The following ABTB3 variants were observed in gnomAD, a reference collection of about 807,000 sequenced individuals.
The protein encoded by ABTB3 is ankyrin repeat- and BTB/POZ domain-containing protein 3.
the ABTB3 span, among the ~76,000 whole-genome samples, chr12:107,362,617 AC>A: frequency 6.6e-6 from 1 of 152,064 alleles, no homozygotes; most frequent in Admixed American, 6.5e-5. Flanking sequence ...ACATAGTGAG[AC>A]CCAGTCTTTA....
At chr12:107,565,487 C>T in the ABTB3 span, among the ~76,000 whole-genome samples, 2 of 152,112 alleles carry the variant, frequency 1.3e-5, no homozygotes, top group Non-Finnish European at 1.5e-5. Context: ...GGGAGAGAAG[C>T]ACCAAAGGGT....
At chr12:107,421,034 A>G in the ABTB3 span, among the ~76,000 whole-genome samples, 2 of 152,172 alleles carry the variant, frequency 1.3e-5, no homozygotes, top group Admixed American at 1.3e-4. Flanking sequence ...AGGTTTCAGT[A>G]GAGAGGAAGT....
At chr12:107,385,407 G>A in the ABTB3 span, among the ~76,000 whole-genome samples, 1 of 152,318 alleles carries the variant, frequency 6.6e-6, no homozygotes, top group East Asian at 1.9e-4. Flanking sequence ...ACAAACTGCT[G>A]ACTTACACAC....
the ABTB3 span, among the ~76,000 whole-genome samples, chr12:107,510,425 C>G: frequency 5.3e-5 from 8 of 152,000 alleles, no homozygotes; most frequent in South Asian, 6.2e-4. Flanking sequence ...TTCCCCAATG[C>G]TACACCATAA....
the ABTB3 span, among the ~76,000 whole-genome samples, chr12:107,419,356 ATGGCCTGAGAATCCTTCCATGATCT>A: frequency 6.6e-6 from 1 of 152,248 alleles, no homozygotes; most frequent in South Asian, 2.1e-4. Context: ...ACTCCTTTTC[ATGGCCTGAGAATCCTTCCATGATCT>A]GGCCTCTGCC....
the ABTB3 span, among the ~76,000 whole-genome samples, chr12:107,657,087 C>T: frequency 6.6e-6 from 1 of 152,174 alleles, no homozygotes; most frequent in African/African-American, 2.4e-5. Context: ...AGATCTCTTC[C>T]AGCTCCAGGA....
At chr12:107,358,237 A>G in the ABTB3 span, among the ~76,000 whole-genome samples, 2 of 152,186 alleles carry the variant, frequency 1.3e-5, no homozygotes, top group African/African-American at 4.8e-5. Flanking sequence ...GAACCAGGGA[A>G]TGAGGATATA....
chr12:107,527,676 T>C, the ABTB3 span, among the ~76,000 whole-genome samples: 1 of 152,198 alleles, frequency 6.6e-6, no homozygotes, highest in East Asian at 1.9e-4. Flanking sequence ...AATTAATGAA[T>C]GGCAAGCTTC....
the ABTB3 span, among the ~76,000 whole-genome samples, chr12:107,585,254 G>A: frequency 6.6e-6 from 1 of 152,178 alleles, no homozygotes; most frequent in Non-Finnish European, 1.5e-5. Flanking sequence ...TGAGCCACGA[G>A]TTTATTCCAG....
the ABTB3 span, among the ~76,000 whole-genome samples, chr12:107,615,993 C>T: frequency 6.6e-6 from 1 of 152,114 alleles, no homozygotes; most frequent in Non-Finnish European, 1.5e-5. Context: ...GCTGGAATTT[C>T]ATGGGAATCC....
At chr12:107,486,214 AG>A in the ABTB3 span, among the ~76,000 whole-genome samples, 7 of 152,240 alleles carry the variant, frequency 4.6e-5, no homozygotes, top group Non-Finnish European at 7.4e-5. Context: ...GGACTAGATT[AG>A]TTTCTTTGAG....
the ABTB3 span, among the ~76,000 whole-genome samples, chr12:107,400,137 G>A: frequency 6.6e-6 from 1 of 152,172 alleles, no homozygotes; most frequent in Admixed American, 6.5e-5. Context: ...GAATAGTGCT[G>A]CAATAAACAT....
At chr12:107,430,059 C>G in the ABTB3 span, among the ~76,000 whole-genome samples, 2,054 of 152,306 alleles carry the variant, frequency 0.013, 11 homozygotes, top group Non-Finnish European at 0.021. Context: ...ATGCTTAAAG[C>G]TATAATTTAC....
the ABTB3 span, among the ~76,000 whole-genome samples, chr12:107,549,635 T>C: frequency 2.0e-5 from 3 of 152,226 alleles, no homozygotes. Context: ...TCTTTTCCCC[T>C]TCTGCATGAA....
At chr12:107,618,232 C>T in the ABTB3 span, 2 of 1,614,070 alleles carry the variant, frequency 1.2e-6, no homozygotes, top group Middle Eastern at 3.3e-4. Context: ...GAGATTCTGG[C>T]CGAGGGGACT....
the ABTB3 span, among the ~76,000 whole-genome samples, chr12:107,575,490 CA>C: frequency 1.3e-5 from 2 of 152,164 alleles, no homozygotes; most frequent in African/African-American, 4.8e-5. Context: ...ACGCTTAAAA[CA>C]ACACAAAATT....
At chr12:107,389,399 G>A in the ABTB3 span, among the ~76,000 whole-genome samples, 15 of 151,998 alleles carry the variant, frequency 9.9e-5, no homozygotes, top group East Asian at 5.8e-4. Context: ...GGTATAAGCC[G>A]CAATACTCCC....
At chr12:107,365,031 G>A in the ABTB3 span, among the ~76,000 whole-genome samples, 8 of 152,062 alleles carry the variant, frequency 5.3e-5, no homozygotes, top group South Asian at 2.1e-4. Context: ...GGTAGCATTC[G>A]CAGTGTTTGA....
chr12:107,620,282 G>A, the ABTB3 span: 35 of 1,313,490 alleles, frequency 2.7e-5, no homozygotes, highest in Non-Finnish European at 3.6e-5. Flanking sequence ...CGGTCATAGC[G>A]ACCAGTGGCG....
Sources: allele counts gnomAD v4.1 joint callset (sites outside exome capture counted in the v4.1 genomes callset), GRCh38; gene constraint gnomAD v4.1.1; transcripts MANE v1.5; gene names NCBI Gene and HGNC (gene_info 2026-07-23, HGNC 2026-07-21).